FER1L6: variants seen among roughly 807,000 people sequenced by gnomAD.
FER1L6 encodes fer-1-like protein 6.
FER1L6 carries 177 observed loss-of-function variants against 219.2 expected under a neutral mutation model. That is an observed-to-expected ratio of 0.81 (90% CI 0.71 to 0.91). FER1L6 has a LOEUF of 0.91. Among genes scored for constraint, FER1L6 ranks in the 40% least tolerant of loss-of-function variants. The pLI, the probability that FER1L6 is intolerant of heterozygous loss-of-function variation, is 0.00. For missense variants in FER1L6, 2,153 were observed against 2,259.9 expected (o/e 0.95, Z 0.96); for synonymous variants, 768 against 824.3 (o/e 0.93, Z 1.17).
chr8:124,072,618 C>T (rs1435232388), intron 31 of FER1L6, among the ~76,000 whole-genome samples: 2 of 152,146 alleles, frequency 1.3e-5, no homozygotes, highest in African/African-American at 4.8e-5. Flanking sequence ...AAATATTCTT[C>T]CATCATGCAG....
intron 19 of FER1L6, among the ~76,000 whole-genome samples, chr8:124,037,356 C>G (rs1819265840): frequency 6.6e-6 from 1 of 152,210 alleles, no homozygotes; most frequent in Admixed American, 6.5e-5. Flanking sequence ...TAGAAACACT[C>G]CTGTCGGGAA....
chr8:123,946,491 C>T (rs994903666), intron 1 of FER1L6, among the ~76,000 whole-genome samples: 6 of 152,236 alleles, frequency 3.9e-5, no homozygotes, highest in Admixed American at 2.0e-4. Flanking sequence ...TGACCTCAAG[C>T]GATCTGCCCG....
rs572321478 is a variant in FER1L6, at chr8:123,934,568, T to C, written c.-7-21424T>C. Among the ~76,000 whole-genome samples the C allele has an allele frequency of 5.9e-5, 9 of 151,962 alleles. No homozygotes were observed. The East Asian group carries it at 1.7e-3, about 29-fold the overall frequency. ...TTTTCCTAGAGAAGCACTTGGATGG[T>C]ATGTTCTCAATGTATGGCTGGAGGA... is the stretch of plus-strand genomic sequence containing the variant. On this transcript the variant is annotated intron_variant, in intron 1 of 40. Coordinates refer to ENST00000522917, the MANE Select transcript of FER1L6 (RefSeq NM_001039112.2).
At chr8:124,055,548 T>C (rs917490670) in intron 22 of FER1L6, among the ~76,000 whole-genome samples, 1 of 152,186 alleles carries the variant, frequency 6.6e-6, no homozygotes, top group African/African-American at 2.4e-5. Flanking sequence ...CCATTCTCCA[T>C]ACTTAGAACA....
intron 28 of FER1L6, among the ~76,000 whole-genome samples, chr8:124,068,952 T>C (rs1036412296): frequency 3.2e-4 from 48 of 151,170 alleles, no homozygotes; most frequent in Non-Finnish European, 5.9e-4. Flanking sequence ...TTTTTTTTTT[T>C]CCGAGACGGA....
intron 13 of FER1L6, among the ~76,000 whole-genome samples, chr8:124,005,231 C>T (rs145816818): frequency 2.0e-5 from 3 of 152,330 alleles, no homozygotes; most frequent in East Asian, 1.9e-4. Context: ...ACTATGAGAA[C>T]CAGTTACTCT....
chr8:124,085,034 T>C (rs1233782107), intron 33 of FER1L6, among the ~76,000 whole-genome samples: 1 of 152,188 alleles, frequency 6.6e-6, no homozygotes, highest in Admixed American at 6.5e-5. Flanking sequence ...TTTTCCAATT[T>C]ATTTGCTAAT....
chr8:123,970,073 T>C lies in FER1L6; in HGVS notation c.423T>C (p.Leu141=). The change falls in exon 6 of 41, where the codon CTT becomes CTC. Residue 141 remains leucine, a synonymous_variant. Transcript: ENST00000522917. ...ACTTCATTGGGCCCCAAGTGCATCT[T>C]TTTGACAAGATCATCAAAATCTCCG... The part of the protein sequence containing the change: ...VFDFIGPQVH[L]FDKIIKISVF... The C allele has an allele frequency of 2.5e-6, 4 of 1,614,056 alleles. No individual in the cohort carries two copies. Among genetic ancestry groups the C allele is most frequent in the Non-Finnish European group, 3.4e-6 (4 of 1,179,964 alleles).
chr8:124,068,626 G>A (rs191169960), intron 28 of FER1L6, among the ~76,000 whole-genome samples: 49 of 152,226 alleles, frequency 3.2e-4, no homozygotes, highest in Non-Finnish European at 6.8e-4. Flanking sequence ...GGATCTGACA[G>A]AGTGTGACTC....
In FER1L6 at chr8:123,898,760, CAT is replaced by C. The variant is rs565491460; in HGVS notation, c.-8+46582_-8+46583del. Among the ~76,000 whole-genome samples the C allele has an allele frequency of 1.3e-3, 132 of 103,232 alleles. 3 individuals are homozygous for C. The highest frequency in any genetic ancestry group is 3.5e-3 in the African/African-American group (111 of 31,328). 67.7% of individuals were successfully genotyped at this position (103,232 alleles called of 152,430 possible). ...TATATACATATATACTATATATACA[CAT>C]ATATATGTGTATATATACGTATGTA... is the stretch of plus-strand genomic sequence containing the variant. On this transcript the variant is annotated intron_variant, in intron 1 of 40. Transcript: ENST00000522917.
intron 17 of FER1L6, among the ~76,000 whole-genome samples, chr8:124,021,978 C>T (rs982155445): frequency 4.6e-5 from 7 of 152,162 alleles, no homozygotes; most frequent in African/African-American, 9.7e-5. Flanking sequence ...GATTTAAATT[C>T]GTGCCCAGTA....
chr8:124,013,592 A>G, intron 15 of FER1L6, 61 bp downstream of exon 15: 2 of 1,177,590 alleles, frequency 1.7e-6, no homozygotes, highest in South Asian at 1.6e-5. Flanking sequence ...GCTTTTAATT[A>G]CCTTGAGAAA....
chr8:123,935,018 T>C (rs1488419098), intron 1 of FER1L6, among the ~76,000 whole-genome samples: 1 of 152,224 alleles, frequency 6.6e-6, no homozygotes, highest in Non-Finnish European at 1.5e-5. Flanking sequence ...ATCTCTTTTC[T>C]TTATAAATTG....
At chr8:124,002,574 C>G (rs1399403341) in intron 12 of FER1L6, among the ~76,000 whole-genome samples, 1 of 152,102 alleles carries the variant, frequency 6.6e-6, no homozygotes, top group Non-Finnish European at 1.5e-5. Context: ...CACCAGTATG[C>G]CTGCAGTGAA....
At chr8:123,867,937 C>G (rs1025262127) in intron 1 of FER1L6, among the ~76,000 whole-genome samples, 2 of 152,194 alleles carry the variant, frequency 1.3e-5, no homozygotes, top group South Asian at 2.1e-4. Context: ...CTCTACCAGT[C>G]CCTCTTTCCC....
chr8:124,008,248 C>T (rs1817757499), intron 13 of FER1L6, among the ~76,000 whole-genome samples: 1 of 152,198 alleles, frequency 6.6e-6, no homozygotes, highest in Admixed American at 6.5e-5. Context: ...CCAATCATGT[C>T]CAGGTTGCTG....
At chr8:123,923,928 A>G (rs1228932883) in intron 1 of FER1L6, among the ~76,000 whole-genome samples, 2 of 137,900 alleles carry the variant, frequency 1.5e-5, no homozygotes, top group Non-Finnish European at 1.5e-5. Flanking sequence ...CTACAGATCG[A>G]GACTCCAACT....
chr8:123,932,121 A>G (rs1813792635), intron 1 of FER1L6, among the ~76,000 whole-genome samples: 1 of 151,934 alleles, frequency 6.6e-6, no homozygotes, highest in African/African-American at 2.4e-5. Context: ...TATTATTATT[A>G]TTTTTGAGAT....
intron 1 of FER1L6, among the ~76,000 whole-genome samples, chr8:123,955,644 G>A (rs1465464760): frequency 1.3e-5 from 2 of 152,248 alleles, no homozygotes; most frequent in African/African-American, 4.8e-5. Context: ...GAGGGTTGCT[G>A]TGGTGATAAA....
Sources: gnomAD v4.1 joint callset for allele counts (sites outside exome capture counted in the v4.1 genomes callset) on GRCh38, gnomAD v4.1.1 for gene constraint, MANE v1.5 for transcripts, NCBI Gene and HGNC (gene_info 2026-07-23, HGNC 2026-07-21) for gene names.